Variants in KYNU observed in about 807,000 individuals in gnomAD.
The protein encoded by KYNU is L-kynurenine hydrolase.
Under a neutral mutation model 59.2 loss-of-function variants are expected in KYNU, and 54 were observed. The ratio of observed to expected loss-of-function variants is 0.91; its 90% CI spans 0.73 to 1.14. The LOEUF is 1.14. Ranked by LOEUF, KYNU falls within the 50% of genes most tolerant of loss-of-function variation. The pLI, the probability that KYNU is intolerant of heterozygous loss-of-function variation, is 0.00. For missense variants in KYNU, 567 were observed against 554.4 expected, an observed-to-expected ratio of 1.02 and a Z score of -0.23; for synonymous variants, 177 against 192.0, an observed-to-expected ratio of 0.92 and a Z score of 0.65.
chr2:143,044,194 C>T lies in KYNU; in HGVS notation c.*2022C>T, dbSNP rs183375973. The T allele has an allele frequency of 1.4e-3, 206 of 152,198 alleles. No homozygotes were observed. The highest frequency in any genetic ancestry group is 4.8e-3 in the African/African-American group (198 of 41,532). 9.4% of individuals were successfully genotyped at this position (152,198 alleles called of 1,614,324 possible). A position where few individuals can be genotyped will look rare whatever the true frequency, so the allele number is the denominator to read the frequency against. On this transcript the variant is annotated 3_prime_UTR_variant, in exon 14 of 14. Transcript: ENST00000264170. ...TCTTTTTTATGGCTGCATAGTATTC[C>T]ATGGTATATATGTGCCACATTTTCT... is the stretch of plus-strand genomic sequence containing the variant.
rs770691914 is a variant in KYNU at position 142,985,038 on chromosome 2, C to T, written c.730-46C>T. ...TTAAAAATATTTGTACTTATTATTTCTAATCATGAAGCAAACTTAAAGCTT... is the reference window on the plus strand; with the variant it reads ...TTAAAAATATTTGTACTTATTATTTTTAATCATGAAGCAAACTTAAAGCTT... On this transcript the variant is annotated intron_variant, in intron 8 of 13. Transcript: ENST00000264170. 9 of 1,073,782 alleles carry T rather than the reference C, an allele frequency of 8.4e-6. 1 individual carries two copies. In the South Asian group the frequency reaches 1.1e-4, roughly 13 times the overall value. 66.5% of individuals were successfully genotyped at this position (1,073,782 alleles called of 1,614,324 possible).
intron 2 of KYNU, 90 bp from the exon 3 acceptor site, chr2:142,918,519 G>C (rs351700): frequency 7.6e-7 from 1 of 1,316,984 alleles, no homozygotes; most frequent in Non-Finnish European, 1.0e-6. Context: ...TCTTAGAGTT[G>C]ATTGTATTAA....
intron 4 of KYNU, among the ~76,000 whole-genome samples, chr2:142,946,213 A>G (rs1683774756): frequency 1.3e-5 from 2 of 151,844 alleles, no homozygotes; most frequent in African/African-American, 2.4e-5. Flanking sequence ...TCCCCCGAGT[A>G]CCTGGGACCA....
rs1687164593 is a variant in KYNU at position 143,046,324 on chromosome 2, G to A, written c.*4152G>A. The A allele has an allele frequency of 6.6e-6, 1 of 151,952 alleles. No homozygotes were observed. The highest frequency in any genetic ancestry group is 2.1e-4 in the South Asian group (1 of 4,826). The allele number at this position is 151,952 out of a possible 1,614,324, so 9.4% of individuals were successfully genotyped here. A position where few individuals can be genotyped will look rare whatever the true frequency, so the allele number is the denominator to read the frequency against. ...TATTCTGCTTTTGCACATATTTTTA[G>A]ATTCATCCATTTGTGGCATGTAGCT... is the stretch of plus-strand genomic sequence containing the variant. On this transcript the variant is annotated 3_prime_UTR_variant, in exon 14 of 14. Transcript: ENST00000264170.
At chr2:142,998,120 G>C (rs1189688416) in intron 10 of KYNU, among the ~76,000 whole-genome samples, 1 of 152,044 alleles carries the variant, frequency 6.6e-6, no homozygotes, top group African/African-American at 2.4e-5. Context: ...CTCAAATTCT[G>C]TTTATATCTC....
At chr2:143,041,920 A>T (rs978911941) in intron 13 of KYNU, 127 bp from the exon 14 acceptor site, 1 of 910,730 alleles carries the variant, frequency 1.1e-6, no homozygotes, top group East Asian at 2.7e-5. Flanking sequence ...AAAGTAAAAA[A>T]ATTTTGCATA....
intron 4 of KYNU, among the ~76,000 whole-genome samples, chr2:142,937,335 C>T (rs1049144641): frequency 6.6e-6 from 1 of 152,108 alleles, no homozygotes; most frequent in African/African-American, 2.4e-5. Flanking sequence ...TCCACTTGCA[C>T]TCTTATTTAG....
intron 4 of KYNU, among the ~76,000 whole-genome samples, chr2:142,932,473 G>T (rs1485263596): frequency 6.6e-6 from 1 of 152,044 alleles, no homozygotes; most frequent in East Asian, 1.9e-4. Flanking sequence ...GGGGTTTGGT[G>T]GCCCCTGCAA....
intron 2 of KYNU, among the ~76,000 whole-genome samples, chr2:142,894,191 G>A (rs925107391): frequency 3.9e-5 from 6 of 152,102 alleles, no homozygotes; most frequent in Non-Finnish European, 4.4e-5. Context: ...TCAAAATTAG[G>A]CAAGAGTATC....
In KYNU at chr2:143,045,203, T is replaced by A. The variant is rs1687147532; in HGVS notation, c.*3031T>A. 1 of 152,068 alleles carries A rather than the reference T, an allele frequency of 6.6e-6. No individual in the cohort carries two copies. Among genetic ancestry groups the A allele is most frequent in the Non-Finnish European group, 1.5e-5 (1 of 67,966 alleles). 9.4% of individuals were successfully genotyped at this position (152,068 alleles called of 1,614,324 possible). A position where few individuals can be genotyped will look rare whatever the true frequency, so the allele number is the denominator to read the frequency against. ...TTCCATTGGTCTATATGTCTGTTTTTGTTCAGTACCATGCTGTTTTGTTTA... is the reference window on the plus strand; with the variant it reads ...TTCCATTGGTCTATATGTCTGTTTTAGTTCAGTACCATGCTGTTTTGTTTA... On this transcript the variant is annotated 3_prime_UTR_variant, in exon 14 of 14. Coordinates refer to ENST00000264170, the MANE Select transcript of KYNU (RefSeq NM_003937.3).
At chr2:142,955,284 G>A (rs1684125271) in intron 5 of KYNU, among the ~76,000 whole-genome samples, 1 of 151,988 alleles carries the variant, frequency 6.6e-6, no homozygotes, top group Non-Finnish European at 1.5e-5. Context: ...AAGACTTGGA[G>A]TATTAAATTT....
chr2:142,978,121 A>G (rs558713407), intron 8 of KYNU, among the ~76,000 whole-genome samples: 1 of 152,278 alleles, frequency 6.6e-6, no homozygotes, highest in East Asian at 1.9e-4. Context: ...AAACTCCCTA[A>G]TTAGGAATTC....
At chr2:143,016,254 T>G (rs1368208254) in intron 10 of KYNU, among the ~76,000 whole-genome samples, 1 of 152,258 alleles carries the variant, frequency 6.6e-6, no homozygotes, top group Non-Finnish European at 1.5e-5. Flanking sequence ...ATTTATGTAC[T>G]TCACCTCTGA....
intron 10 of KYNU, among the ~76,000 whole-genome samples, chr2:143,024,586 TG>T (rs1336321127): frequency 1.3e-5 from 2 of 152,066 alleles, no homozygotes; most frequent in Non-Finnish European, 1.5e-5. Flanking sequence ...TGTCATTGAA[TG>T]GTTGCATTTG....
intron 10 of KYNU, among the ~76,000 whole-genome samples, chr2:142,998,494 A>G (rs1211751343): frequency 6.6e-6 from 1 of 152,098 alleles, no homozygotes; most frequent in African/African-American, 2.4e-5. Context: ...TGAAATAATC[A>G]TTTCTTTATT....
intron 2 of KYNU, among the ~76,000 whole-genome samples, chr2:142,905,621 CT>C (rs767853165): frequency 6.6e-6 from 1 of 152,166 alleles, no homozygotes. Context: ...AGTAAGCTAC[CT>C]TTTTGCTTTT....
Position 142,927,674 on chromosome 2 carries a change from T to C in KYNU, c.306T>C (p.His102=), listed in dbSNP as rs1683087161. 2 of 1,613,002 alleles carry C rather than the reference T, an allele frequency of 1.2e-6. No individual in the cohort carries two copies. The highest frequency in any genetic ancestry group is 1.7e-6 in the Non-Finnish European group (2 of 1,179,238). Residue 102 remains histidine, a synonymous_variant, in exon 4 of 14, where the codon CAT becomes CAC. Transcript: ENST00000264170. ...TCAATTTCAGAGCAGCCTATGGTCA[T>C]GAAGTGGGGAAGCGTCCTTGGATTA... is the stretch of plus-strand genomic sequence containing the variant. The part of the protein sequence containing the change: ...DKWAKIAAYG[H]EVGKRPWITG...
intron 8 of KYNU, among the ~76,000 whole-genome samples, chr2:142,972,237 C>T (rs1214498467): frequency 6.6e-6 from 1 of 152,008 alleles, no homozygotes; most frequent in Non-Finnish European, 1.5e-5. Context: ...ATTATTGTAC[C>T]TGCAAATTAT....
intron 2 of KYNU, among the ~76,000 whole-genome samples, chr2:142,918,362 T>A (rs1024603675): frequency 3.3e-5 from 5 of 152,152 alleles, no homozygotes; most frequent in South Asian, 2.1e-4. Context: ...TAATTTAGAT[T>A]TCCTCATGGA....
Sources: allele counts gnomAD v4.1 joint callset (sites outside exome capture counted in the v4.1 genomes callset), GRCh38; gene constraint gnomAD v4.1.1; transcripts MANE v1.5; gene names NCBI Gene and HGNC (gene_info 2026-07-23, HGNC 2026-07-21).